The following DYNLRB1 variants were observed in gnomAD, a reference collection of about 807,000 sequenced individuals.
The protein encoded by DYNLRB1 is ROBL/LC7-like 1.
A neutral mutation model predicts 13.5 loss-of-function variants in DYNLRB1; 6 were observed. That is an observed-to-expected ratio of 0.44 (90% CI 0.24 to 0.88). DYNLRB1 has a LOEUF of 0.88. DYNLRB1 is among the 40% of genes least tolerant of loss of function. The probability of loss-of-function intolerance (pLI) is 0.21; values close to 1 mark genes in which losing one functional copy is unlikely to be tolerated. For missense variants in DYNLRB1, 93 were observed against 127.2 expected (o/e 0.73, Z 1.29); for synonymous variants, 43 against 45.0 (o/e 0.96, Z 0.18).
At chr20:34,518,149 G>C (rs181679505) in intron 1 of DYNLRB1, among the ~76,000 whole-genome samples, 1 of 150,492 alleles carries the variant, frequency 6.6e-6, no homozygotes, top group East Asian at 1.9e-4. Context: ...TTGTTTTTTC[G>C]ATGCCTTTGT....
chr20:34,532,685 C>T (rs975354612), intron 2 of DYNLRB1, among the ~76,000 whole-genome samples: 16 of 152,360 alleles, frequency 1.1e-4, no homozygotes, highest in African/African-American at 3.1e-4. Context: ...GAGCCAGCAG[C>T]AACCCTGGTG....
At chr20:34,515,643 G>C (rs76763351), upstream of DYNLRB1, among the ~76,000 whole-genome samples, 1 of 6,514 alleles carries the variant, frequency 1.5e-4, no homozygotes. Context: ...CCGGAGACTC[G>C]AGGTACCTGA....
intron 1 of DYNLRB1, among the ~76,000 whole-genome samples, chr20:34,519,589 TCA>T (rs2146613434): frequency 6.6e-6 from 1 of 152,314 alleles, no homozygotes; most frequent in African/African-American, 2.4e-5. Flanking sequence ...CTTAAAAATA[TCA>T]CACATTTTTC....
chr20:34,526,028 C>CT (rs1247718822), intron 1 of DYNLRB1, among the ~76,000 whole-genome samples: 1 of 152,170 alleles, frequency 6.6e-6, no homozygotes, highest in Non-Finnish European at 1.5e-5. Context: ...ATAATAGTGC[C>CT]TGGTGGGCAG....
chr20:34,526,234 G>T, intron 1 of DYNLRB1, 34 bp from the exon 2 acceptor site: 1 of 1,612,250 alleles, frequency 6.2e-7, no homozygotes, highest in South Asian at 1.1e-5. Flanking sequence ...CCTGCCTATC[G>T]GCCTCTCCTA....
At chr20:34,534,502 A>G (rs530867922) in intron 2 of DYNLRB1, 126 bp from the exon 3 acceptor site, 3 of 1,212,542 alleles carry the variant, frequency 2.5e-6, no homozygotes, top group Admixed American at 2.9e-5. Flanking sequence ...GTCACATAGC[A>G]AGCCCTCTGC....
chr20:34,520,559 G>A (rs1979631959), intron 1 of DYNLRB1, among the ~76,000 whole-genome samples: 1 of 152,102 alleles, frequency 6.6e-6, no homozygotes. Flanking sequence ...TGATTTTCCT[G>A]CCTCAGCCTC....
chr20:34,518,053 C>T (rs1030185927), intron 1 of DYNLRB1, among the ~76,000 whole-genome samples: 54 of 151,882 alleles, frequency 3.6e-4, no homozygotes, highest in African/African-American at 1.2e-3. Context: ...TACTAATTTC[C>T]GTTCCTTTGA....
chr20:34,536,522 G>A (rs528331363), intron 3 of DYNLRB1: 11 of 971,864 alleles, frequency 1.1e-5, no homozygotes, highest in African/African-American at 1.1e-4. Context: ...CAAGGCAGGC[G>A]GATCACAAGG....
chr20:34,538,625 T>A (rs571617259), intron 3 of DYNLRB1, among the ~76,000 whole-genome samples: 1 of 152,316 alleles, frequency 6.6e-6, no homozygotes, highest in East Asian at 1.9e-4. Flanking sequence ...CGATTGTGCC[T>A]ATTTTTATCA....
rs1303315710 is a variant in DYNLRB1, at chr20:34,534,659, C to T, written c.111C>T (p.Pro37=). 4.4e-6 allele frequency: 7 copies of T among 1,582,948 alleles called. No individual in the cohort carries two copies. Among genetic ancestry groups the T allele is most frequent in the East Asian group, 4.5e-5 (2 of 44,652 alleles). Residue 37 remains proline (P), a synonymous_variant, in exon 3 of 4, where the codon CCC becomes CCT. Coordinates refer to ENST00000357156, the MANE Select transcript of DYNLRB1 (RefSeq NM_014183.4). ...CCATCAAGAGCACCATGGACAACCCCACCACCACCCAGTATGCCAGCCTCA... is the reference window on the plus strand; with the variant it reads ...CCATCAAGAGCACCATGGACAACCCTACCACCACCCAGTATGCCAGCCTCA... ...GIPIKSTMDN[P]TTTQYASLMH...
At chr20:34,517,174 GAA>G (rs1463958203) in intron 1 of DYNLRB1, among the ~76,000 whole-genome samples, 1 of 151,986 alleles carries the variant, frequency 6.6e-6, no homozygotes, top group Non-Finnish European at 1.5e-5. Flanking sequence ...GGCAAAATTT[GAA>G]AAAGTTTCAA....
intron 3 of DYNLRB1, 35 bp from the exon 4 acceptor site, chr20:34,540,546 A>T: frequency 6.3e-7 from 1 of 1,593,890 alleles, no homozygotes; most frequent in Non-Finnish European, 8.6e-7. Context: ...CTCATTTTAC[A>T]TTTAGTGATT....
intron 1 of DYNLRB1, chr20:34,516,783 C>T: frequency 6.5e-7 from 1 of 1,550,170 alleles, no homozygotes; most frequent in Non-Finnish European, 8.7e-7. Context: ...CGATGGCAAC[C>T]CTGGCAACGT....
Position 34,540,823 on chromosome 20 carries a change from C to T in DYNLRB1, c.*199C>T, listed in dbSNP as rs559995683. The T allele has an allele frequency of 1.3e-4, 69 of 522,568 alleles. 3 individuals carry two copies. Among genetic ancestry groups the T allele is most frequent in the Middle Eastern group, 6.9e-4 (2 of 2,886 alleles). 32.4% of individuals were successfully genotyped at this position (522,568 alleles called of 1,614,324 possible). ...ACCAACCTTCCCCAGAGCTCCGGAG[C>T]GCCCTCTCCTCACTTCCAGGTTTTG... On this transcript the variant is annotated 3_prime_UTR_variant, in exon 4 of 4. Transcript: ENST00000357156.
chr20:34,535,095 A>G, intron 3 of DYNLRB1: 1 of 985,298 alleles, frequency 1.0e-6, no homozygotes, highest in Admixed American at 6.1e-5. Flanking sequence ...GACATAGAGG[A>G]GGGTGTGGCC....
At chr20:34,537,924 G>A (rs956079811) in intron 3 of DYNLRB1, among the ~76,000 whole-genome samples, 2 of 151,356 alleles carry the variant, frequency 1.3e-5, no homozygotes, top group African/African-American at 4.9e-5. Flanking sequence ...CAGACAGTGT[G>A]GCTCTCCACA....
chr20:34,530,696 A>C (rs1482614855), intron 2 of DYNLRB1: 1 of 152,198 alleles, frequency 6.6e-6, no homozygotes. Flanking sequence ...CTTCCCACTG[A>C]TCCATGGGGC....
intron 3 of DYNLRB1, among the ~76,000 whole-genome samples, chr20:34,538,242 A>G (rs1487965597): frequency 6.9e-6 from 1 of 144,776 alleles, no homozygotes; most frequent in African/African-American, 2.6e-5. Flanking sequence ...TGCTGGGATT[A>G]TATGCGTGAG....
Sources: gnomAD v4.1 joint callset for allele counts (sites outside exome capture counted in the v4.1 genomes callset) on GRCh38, gnomAD v4.1.1 for gene constraint, MANE v1.5 for transcripts, NCBI Gene and HGNC (gene_info 2026-07-23, HGNC 2026-07-21) for gene names.